Variants in NKAIN3 observed in about 807,000 individuals in gnomAD.
NKAIN3 encodes sodium/potassium-transporting ATPase subunit beta-1-interacting protein 3.
In NKAIN3, 25 loss-of-function variants were observed where a neutral mutation model predicts 30.2. That is an observed-to-expected ratio of 0.83 (90% CI 0.60 to 1.16). The LOEUF is 1.16. Among genes scored for constraint, NKAIN3 ranks in the 50% most tolerant of loss-of-function variants. The pLI is 0.00. For synonymous variants in NKAIN3, 91 were observed against 89.6 expected (o/e 1.02, Z -0.09); for missense variants, 225 against 254.1 (o/e 0.89, Z 0.78).
chr8:62,591,762 T>A (rs367872528), intron 3 of NKAIN3, among the ~76,000 whole-genome samples: 2 of 152,006 alleles, frequency 1.3e-5, no homozygotes, highest in Non-Finnish European at 2.9e-5. Flanking sequence ...GTTGGTCTCC[T>A]ATTTACTGCC....
intron 4 of NKAIN3, among the ~76,000 whole-genome samples, chr8:62,883,457 G>GTTGTTTTGTTTTTTTTT: frequency 2.8e-5 from 2 of 70,226 alleles, no homozygotes; most frequent in Non-Finnish European, 4.8e-5. Flanking sequence ...AGTTTTATGG[G>GTTGTTTTGTTTTTTTTT]TTTTTTTTTT....
rs538742116 is a variant in NKAIN3 at position 62,614,896 on chromosome 8, G to A, written c.273+25102G>A. Among the ~76,000 whole-genome samples, 10 of 152,218 alleles carry A rather than the reference G, an allele frequency of 6.6e-5. No homozygotes were observed. The East Asian group carries it at 1.9e-3, about 30-fold the overall frequency. ...CTTCCTGGACTCACCCTTCAAGACG[G>A]TGAACTCCCCTCTGGCCCAGGGCAG... On this transcript the variant is annotated intron_variant, in intron 3 of 6. Transcript: ENST00000623646.
At chr8:62,677,895 C>A (rs1393325107) in intron 3 of NKAIN3, among the ~76,000 whole-genome samples, 1 of 152,116 alleles carries the variant, frequency 6.6e-6, no homozygotes, top group African/African-American at 2.4e-5. Flanking sequence ...TCCCCCTATC[C>A]CCTGGTCTAG....
chr8:62,956,430 T>C (rs1823420391), intron 6 of NKAIN3, among the ~76,000 whole-genome samples: 1 of 152,072 alleles, frequency 6.6e-6, no homozygotes, highest in Non-Finnish European at 1.5e-5. Context: ...ATATGCAGAG[T>C]TTCCAGCCAA....
intron 4 of NKAIN3, among the ~76,000 whole-genome samples, chr8:62,762,879 C>T (rs571169015): frequency 7.3e-5 from 11 of 151,494 alleles, no homozygotes; most frequent in Non-Finnish European, 1.5e-4. Flanking sequence ...AGTACAAACA[C>T]AGACTAAAAA....
chr8:62,474,250 T>C (rs1051083907), intron 1 of NKAIN3: 1 of 152,164 alleles, frequency 6.6e-6, no homozygotes, highest in African/African-American at 2.4e-5. Flanking sequence ...TGAAGCACAG[T>C]GGGCACAAAG....
At chr8:62,387,122 T>C (rs1817453517) in intron 1 of NKAIN3, among the ~76,000 whole-genome samples, 1 of 151,958 alleles carries the variant, frequency 6.6e-6, no homozygotes, top group Non-Finnish European at 1.5e-5. Context: ...ATTGAATGAG[T>C]GTCATACAAC....
chr8:62,476,876 G>A (rs1319071036), intron 1 of NKAIN3, among the ~76,000 whole-genome samples: 1 of 152,074 alleles, frequency 6.6e-6, no homozygotes, highest in Non-Finnish European at 1.5e-5. Flanking sequence ...AATTCCTGTG[G>A]CCCCTTTAAA....
chr8:62,312,596 T>G (rs1248776342), intron 1 of NKAIN3, among the ~76,000 whole-genome samples: 1 of 144,418 alleles, frequency 6.9e-6, no homozygotes, highest in African/African-American at 2.9e-5. Context: ...GTCAGGAAGA[T>G]CTCTTGAGCC....
intron 4 of NKAIN3, among the ~76,000 whole-genome samples, chr8:62,814,142 G>A (rs532011927): frequency 4.1e-4 from 62 of 152,072 alleles, no homozygotes; most frequent in Non-Finnish European, 5.4e-4. Context: ...TTGAATTTAC[G>A]TAAGAATCTT....
intron 1 of NKAIN3, among the ~76,000 whole-genome samples, chr8:62,453,625 C>A (rs961755419): frequency 6.6e-6 from 1 of 151,926 alleles, no homozygotes; most frequent in African/African-American, 2.4e-5. Flanking sequence ...GATAGGTAGA[C>A]CACTAGCTAG....
chr8:62,279,279 T>C (rs1197103203), intron 1 of NKAIN3, among the ~76,000 whole-genome samples: 3 of 152,264 alleles, frequency 2.0e-5, no homozygotes, highest in East Asian at 3.9e-4. Context: ...TTAGCCCTTT[T>C]TCAGGTGAGT....
At position 62,800,521 on chromosome 8, in the gene NKAIN3, C is replaced by T. The variant is rs539213383; in HGVS notation, c.471+53392C>T. On this transcript the variant is annotated intron_variant, in intron 4 of 6. Coordinates refer to ENST00000623646, the MANE Select transcript of NKAIN3 (RefSeq NM_001304533.3). ...TCCCAGTACACAGAACTAAAATCAT[C>T]ATGTAGATCTGCAGACATACAGCCT... Among the ~76,000 whole-genome samples the T allele has an allele frequency of 5.3e-5, 8 of 152,328 alleles. No individual in the cohort carries two copies. The South Asian group carries it at 1.4e-3, about 28-fold the overall frequency.
chr8:62,987,892 TC>T (rs969693745), downstream of NKAIN3, among the ~76,000 whole-genome samples: 10 of 152,144 alleles, frequency 6.6e-5, no homozygotes, highest in East Asian at 1.9e-4. Context: ...GCAAATCCCC[TC>T]TGCCTATGAG....
intron 4 of NKAIN3, among the ~76,000 whole-genome samples, chr8:62,814,357 ATT>A (rs1818600440): frequency 1.3e-5 from 2 of 151,822 alleles, no homozygotes; most frequent in South Asian, 2.1e-4. Context: ...CTTTTTAAAC[ATT>A]AACAATTTGG....
chr8:62,859,980 C>T (rs1820192026), intron 4 of NKAIN3, among the ~76,000 whole-genome samples: 2 of 152,118 alleles, frequency 1.3e-5, no homozygotes, highest in African/African-American at 2.4e-5. Flanking sequence ...TTTGCTTTTT[C>T]ATTTTGAATT....
At chr8:62,955,347 A>C (rs1585619127) in intron 6 of NKAIN3, among the ~76,000 whole-genome samples, 1 of 152,224 alleles carries the variant, frequency 6.6e-6, no homozygotes, top group East Asian at 1.9e-4. Flanking sequence ...GTGCTCATAA[A>C]GGATATGTTC....
chr8:62,272,656 T>G (rs905854944), intron 1 of NKAIN3, among the ~76,000 whole-genome samples: 1 of 152,164 alleles, frequency 6.6e-6, no homozygotes, highest in Non-Finnish European at 1.5e-5. Context: ...CATTTACCCA[T>G]GTTGCCCATC....
At chr8:62,701,237 AC>A (rs1814321002) in intron 3 of NKAIN3, among the ~76,000 whole-genome samples, 1 of 152,182 alleles carries the variant, frequency 6.6e-6, no homozygotes, top group Non-Finnish European at 1.5e-5. Flanking sequence ...GCATTTTAAA[AC>A]ATGGCAGCAG....
Sources: gnomAD v4.1 joint callset for allele counts (sites outside exome capture counted in the v4.1 genomes callset) on GRCh38, gnomAD v4.1.1 for gene constraint, MANE v1.5 for transcripts, NCBI Gene and HGNC (gene_info 2026-07-23, HGNC 2026-07-21) for gene names.